GHR: variants seen among roughly 807,000 people sequenced by gnomAD.
GHR encodes growth hormone receptor, also known as GH receptor.
GHR carries 35 observed loss-of-function variants against 67.1 expected under a neutral mutation model. The ratio of observed to expected loss-of-function variants is 0.52; its 90% CI spans 0.40 to 0.69. The LOEUF (loss-of-function observed/expected upper bound fraction) is 0.69. GHR is among the 30% of genes least tolerant of loss of function. The pLI, the probability that GHR is intolerant of heterozygous loss-of-function variation, is 0.00. For synonymous variants in GHR, 272 were observed against 269.1 expected (o/e 1.01, Z -0.10); for missense variants, 792 against 764.6 (o/e 1.04, Z -0.42).
intron 1 of GHR, among the ~76,000 whole-genome samples, chr5:42,538,263 T>C (rs1251672374): frequency 1.3e-5 from 2 of 152,194 alleles, no homozygotes; most frequent in Non-Finnish European, 2.9e-5. Context: ...TGTATTTTTG[T>C]TTATAAGTCC....
intron 1 of GHR, among the ~76,000 whole-genome samples, chr5:42,546,389 G>A (rs1748732231): frequency 6.6e-6 from 1 of 152,104 alleles, no homozygotes; most frequent in African/African-American, 2.4e-5. Context: ...GTGTTCAGTG[G>A]TCCAGCCCAT....
At chr5:42,492,278 AG>A (rs1473446516) in intron 1 of GHR, among the ~76,000 whole-genome samples, 5 of 152,234 alleles carry the variant, frequency 3.3e-5, no homozygotes, top group African/African-American at 9.6e-5. Flanking sequence ...GGAAAAAATT[AG>A]GGCTAATACT....
chr5:42,586,418 G>A (rs925271579), intron 2 of GHR, among the ~76,000 whole-genome samples: 1 of 152,146 alleles, frequency 6.6e-6, no homozygotes, highest in Non-Finnish European at 1.5e-5. Flanking sequence ...TCAATAAATG[G>A]GTTTTAACTT....
In GHR at chr5:42,512,171, T is replaced by G. The variant is rs114867788; in HGVS notation, c.-11-53693T>G. Reference sequence around the variant, plus strand: ...CTGATGTTATAAAGGAGCAGGAAGATGGTAATGAACTCCCTCTGGTGCTGG... The same window carrying G: ...CTGATGTTATAAAGGAGCAGGAAGAGGGTAATGAACTCCCTCTGGTGCTGG... On this transcript the variant is annotated intron_variant, in intron 1 of 9. Transcript: ENST00000230882. Among the ~76,000 whole-genome samples, 909 of 152,216 alleles carry G rather than the reference T, an allele frequency of 6.0e-3. 8 individuals are homozygous for G. The highest frequency in any genetic ancestry group is 0.027 in the Middle Eastern group (8 of 294).
intron 3 of GHR, among the ~76,000 whole-genome samples, chr5:42,653,357 C>G (rs958966907): frequency 6.6e-6 from 1 of 152,044 alleles, no homozygotes; most frequent in Non-Finnish European, 1.5e-5. Context: ...AGCAAGGATT[C>G]AAACTCAGGA....
At chr5:42,464,100 C>A (rs549972368) in intron 1 of GHR, among the ~76,000 whole-genome samples, 21 of 142,174 alleles carry the variant, frequency 1.5e-4, no homozygotes, top group South Asian at 2.3e-4. Flanking sequence ...TTGATTCAGT[C>A]AGAGCTGGTA....
chr5:42,622,603 G>A (rs1420703635), intron 2 of GHR, among the ~76,000 whole-genome samples: 2 of 152,174 alleles, frequency 1.3e-5, no homozygotes, highest in African/African-American at 2.4e-5. Context: ...TAACTGCTGT[G>A]TGAGGCCCTT....
At position 42,630,126 on chromosome 5, in the gene GHR, A is replaced by G. The variant is rs533654944; in HGVS notation, c.136+1023A>G. 6.8e-5 allele frequency among the ~76,000 whole-genome samples: 9 copies of G among 131,920 alleles called. 1 individual carries two copies. Among genetic ancestry groups the G allele is most frequent in the African/African-American group, 2.6e-4 (8 of 31,264 alleles). 86.5% of individuals were successfully genotyped at this position (131,920 alleles called of 152,430 possible). A position where few individuals can be genotyped will look rare whatever the true frequency, so the allele number is the denominator to read the frequency against. On this transcript the variant is annotated intron_variant, in intron 3 of 9. Coordinates refer to ENST00000230882, the MANE Select transcript of GHR (RefSeq NM_000163.5). The stretch of plus-strand genomic sequence containing the variant: ...ACAACATGATAGCGTTTGCCTCCTG[A>G]CATTTTAGTGTGTGTGTTAGCCCTG...
At chr5:42,483,156 C>T (rs1745729928) in intron 1 of GHR, among the ~76,000 whole-genome samples, 1 of 152,150 alleles carries the variant, frequency 6.6e-6, no homozygotes, top group East Asian at 1.9e-4. Context: ...GCAGCCTCCA[C>T]CTCTGGAGCT....
At chr5:42,475,856 GC>G (rs1244950404) in intron 1 of GHR, among the ~76,000 whole-genome samples, 8 of 152,048 alleles carry the variant, frequency 5.3e-5, no homozygotes, top group African/African-American at 1.9e-4. Context: ...AGAATTCCAT[GC>G]AAAGGATATC....
At chr5:42,623,345 A>G (rs969246901) in intron 2 of GHR, among the ~76,000 whole-genome samples, 1 of 152,152 alleles carries the variant, frequency 6.6e-6, no homozygotes, top group Non-Finnish European at 1.5e-5. Flanking sequence ...CTCCACCCCA[A>G]GCATAGCAAA....
chr5:42,521,683 T>C (rs897748216), intron 1 of GHR, among the ~76,000 whole-genome samples: 2 of 152,180 alleles, frequency 1.3e-5, no homozygotes, highest in Non-Finnish European at 2.9e-5. Flanking sequence ...TATTTTCTTT[T>C]GATTTTTTTG....
chr5:42,518,006 C>G (rs575362344), intron 1 of GHR, among the ~76,000 whole-genome samples: 2 of 152,048 alleles, frequency 1.3e-5, no homozygotes, highest in African/African-American at 4.8e-5. Context: ...GTTCCCTGGT[C>G]TTCTCATATT....
intron 2 of GHR, among the ~76,000 whole-genome samples, chr5:42,617,394 A>G (rs71584708): frequency 0.26 from 36,314 of 141,542 alleles, 4,637 homozygotes; most frequent in East Asian, 0.55. Flanking sequence ...TTACACACAC[A>G]CACACACACA....
At position 42,534,470 on chromosome 5, in the gene GHR, ATATGTATATGTGTATATATG is replaced by A. The variant is rs1330410867; in HGVS notation, c.-11-31384_-11-31365del. ...TGTATATATGTATGTATATATGTAC[ATATGTATATGTGTATATATG>A]TATGTATATATGTACATATGTATAT... is the stretch of plus-strand genomic sequence containing the variant. On this transcript the variant is annotated intron_variant, in intron 1 of 9. Coordinates refer to ENST00000230882, the MANE Select transcript of GHR (RefSeq NM_000163.5). Among the ~76,000 whole-genome samples, 345 of 141,232 alleles carry A rather than the reference ATATGTATATGTGTATATATG, an allele frequency of 2.4e-3. 5 individuals are homozygous for A. Among genetic ancestry groups the A allele is most frequent in the African/African-American group, 9.2e-3 (329 of 35,598 alleles). 92.7% of individuals were successfully genotyped at this position (141,232 alleles called of 152,430 possible). A position where few individuals can be genotyped will look rare whatever the true frequency, so the allele number is the denominator to read the frequency against.
intron 2 of GHR, among the ~76,000 whole-genome samples, chr5:42,590,873 T>C (rs187480780): frequency 1.3e-5 from 2 of 152,362 alleles, no homozygotes; most frequent in Non-Finnish European, 2.9e-5. Context: ...TGGATTTCTT[T>C]ATCCAGCTGT....
At chr5:42,711,443 C>T in intron 7 of GHR, 71 bp downstream of exon 7, 2 of 1,034,432 alleles carry the variant, frequency 1.9e-6, no homozygotes, top group Non-Finnish European at 3.1e-6. Flanking sequence ...TTCACCCCTG[C>T]ACTGGTAGTG....
At chr5:42,685,256 C>G (rs1473554739) in intron 3 of GHR, among the ~76,000 whole-genome samples, 1 of 152,148 alleles carries the variant, frequency 6.6e-6, no homozygotes, top group African/African-American at 2.4e-5. Flanking sequence ...ATCCATGTCC[C>G]TGCAAAGAAC....
intron 1 of GHR, among the ~76,000 whole-genome samples, chr5:42,492,432 T>C (rs1282388898): frequency 2.0e-5 from 3 of 152,168 alleles, no homozygotes; most frequent in African/African-American, 7.2e-5. Context: ...TGTCAGTTCT[T>C]TCTGTGAATG....
Sources: gnomAD v4.1 joint callset for allele counts (sites outside exome capture counted in the v4.1 genomes callset) on GRCh38, gnomAD v4.1.1 for gene constraint, MANE v1.5 for transcripts, NCBI Gene and HGNC (gene_info 2026-07-23, HGNC 2026-07-21) for gene names.